The following TPM4 variants were observed in gnomAD, a reference collection of about 807,000 sequenced individuals.
TPM4 encodes tropomyosin 4.
Under a neutral mutation model 35.8 loss-of-function variants are expected in TPM4, and 17 were observed. That is an observed-to-expected ratio of 0.47 (90% CI 0.32 to 0.71). TPM4 has a LOEUF of 0.71. TPM4 is among the 30% of genes least tolerant of loss of function. The pLI is 0.03. For missense variants in TPM4, 240 were observed against 320.9 expected, an observed-to-expected ratio of 0.75 and a Z score of 1.93; for synonymous variants, 120 against 122.9, an observed-to-expected ratio of 0.98 and a Z score of 0.15.
chr19:16,083,305 G>A lies in TPM4; in HGVS notation c.266+1259G>A, dbSNP rs145847028. Among the ~76,000 whole-genome samples the A allele has an allele frequency of 6.2e-3, 944 of 152,196 alleles. 5 individuals are homozygous for A. The highest frequency in any genetic ancestry group is 0.022 in the African/African-American group (911 of 41,520). ...TTAAAAATACACAAATTAGCTGGGC[G>A]TGGTGGCGGGCACCTGTAATCCCAC... On this transcript the variant is annotated intron_variant, in intron 2 of 7. Transcript: ENST00000643579.
intron 7 of TPM4, chr19:16,100,052 TAA>T (rs2090747001): frequency 6.6e-6 from 1 of 152,208 alleles, no homozygotes; most frequent in East Asian, 1.9e-4. Flanking sequence ...AAATTTATAT[TAA>T]GTCACACATA....
intron 1 of TPM4, among the ~76,000 whole-genome samples, chr19:16,077,745 A>G (rs4808032): frequency 0.7 from 106,775 of 151,494 alleles, 38,345 homozygotes; most frequent in African/African-American, 0.87. Flanking sequence ...CTTTGTAAAT[A>G]ATCAATTGTG....
intron 5 of TPM4, among the ~76,000 whole-genome samples, chr19:16,091,555 G>A (rs1265928640): frequency 2.0e-5 from 3 of 152,064 alleles, no homozygotes; most frequent in Admixed American, 1.3e-4. Context: ...CGGGAGGATC[G>A]CTTGAGCTCA....
intron 2 of TPM4, among the ~76,000 whole-genome samples, chr19:16,083,650 G>GATCACACAAGGTGATTGCCT (rs200512002): frequency 6.6e-6 from 1 of 152,062 alleles, no homozygotes; most frequent in African/African-American, 2.4e-5. Flanking sequence ...TGGCAATGGT[G>GATCACACAAGGTGATTGCCT]TGGGCCCGAC....
rs201766546 is a variant in TPM4 at position 16,079,463 on chromosome 19, G to A, written c.133-2450G>A. 4.6e-5 allele frequency among the ~76,000 whole-genome samples: 7 copies of A among 152,326 alleles called. No individual in the cohort carries two copies. The East Asian group carries it at 1.4e-3, about 29-fold the overall frequency. On this transcript the variant is annotated intron_variant, in intron 1 of 7. Transcript: ENST00000643579. The stretch of plus-strand genomic sequence containing the variant: ...AATGAAAGGCACCCATTCATGGGAA[G>A]GCCTCAGTGACGTTTCTTAAGACAG...
chr19:16,082,404 A>C (rs917329724), intron 2 of TPM4, among the ~76,000 whole-genome samples: 9 of 152,212 alleles, frequency 5.9e-5, no homozygotes, highest in African/African-American at 2.2e-4. Context: ...CCAGCTACTC[A>C]GGAGGCTGAG....
At chr19:16,073,741 T>G (rs2090376198), upstream of TPM4, among the ~76,000 whole-genome samples, 1 of 151,896 alleles carries the variant, frequency 6.6e-6, no homozygotes, top group Non-Finnish European at 1.5e-5. Flanking sequence ...TGACATCAGC[T>G]GAACCTCCAG....
intron 1 of TPM4, 137 bp from the exon 2 acceptor site, chr19:16,081,776 T>C: frequency 8.3e-7 from 1 of 1,209,066 alleles, no homozygotes; most frequent in South Asian, 2.3e-5. Flanking sequence ...GGTATGAGTG[T>C]AAATTCCCTA....
intron 1 of TPM4, chr19:16,080,355 G>C (rs1212879162): frequency 4.8e-6 from 1 of 206,840 alleles, no homozygotes; most frequent in Non-Finnish European, 9.9e-6. Context: ...ATAAAACCGT[G>C]GCAGTAAGAG....
intron 7 of TPM4, chr19:16,100,048 A>C (rs980328996): frequency 6.6e-6 from 1 of 152,218 alleles, no homozygotes; most frequent in Non-Finnish European, 1.5e-5. Context: ...GTGGAAATTT[A>C]TATTAAGTCA....
chr19:16,095,717 T>A (rs894687581), intron 7 of TPM4: 1 of 455,084 alleles, frequency 2.2e-6, no homozygotes, highest in African/African-American at 2.1e-5. Flanking sequence ...CAGATACCGC[T>A]GTTAGCTAAC....
At chr19:16,091,905 A>AT (rs2090631549) in intron 5 of TPM4, among the ~76,000 whole-genome samples, 2 of 152,050 alleles carry the variant, frequency 1.3e-5, no homozygotes, top group South Asian at 4.1e-4. Context: ...TAAGCAGCTA[A>AT]TAAGTGTTAG....
At position 16,101,549 on chromosome 19, in the gene TPM4, G is replaced by A. The variant is rs1320153960; in HGVS notation, c.*203G>A. The A allele has an allele frequency of 6.7e-6, 3 of 444,908 alleles. No individual in the cohort carries two copies. The highest frequency in any genetic ancestry group is 8.2e-6 in the Non-Finnish European group (2 of 244,150). 27.6% of individuals were successfully genotyped at this position (444,908 alleles called of 1,614,324 possible). On this transcript the variant is annotated 3_prime_UTR_variant, in exon 8 of 8. Coordinates refer to ENST00000643579, the MANE Select transcript of TPM4 (RefSeq NM_003290.3). ...ATTCCTTCCCTTTTTTTTTCAAATGGCACCAGCTTTTTCAGCTCTCTTATT... is the reference window on the plus strand; with the variant it reads ...ATTCCTTCCCTTTTTTTTTCAAATGACACCAGCTTTTTCAGCTCTCTTATT...
chr19:16,068,550 G>T (rs1305868527), intron 2 of TPM4, among the ~76,000 whole-genome samples: 1 of 152,134 alleles, frequency 6.6e-6, no homozygotes, highest in Non-Finnish European at 1.5e-5. Flanking sequence ...GTATCTGCAT[G>T]TTTGAGCATT....
intron 2 of TPM4, among the ~76,000 whole-genome samples, chr19:16,068,118 T>C (rs550961627): frequency 4.0e-5 from 6 of 151,516 alleles, no homozygotes; most frequent in Non-Finnish European, 8.9e-5. Context: ...TGTGTGTACG[T>C]GTGTGTGTAC....
Position 16,076,679 on chromosome 19 carries a change from G to C in TPM4, c.114G>C (p.Glu38Asp). 7.3e-7 allele frequency: 1 copy of C among 1,368,046 alleles called. No homozygotes were observed. The highest frequency in any genetic ancestry group is 9.4e-7 in the Non-Finnish European group (1 of 1,061,922). The allele number at this position is 1,368,046 out of a possible 1,614,324, so 84.7% of individuals were successfully genotyped here. A position where few individuals can be genotyped will look rare whatever the true frequency, so the allele number is the denominator to read the frequency against. ...AQGLQRELDG[E>D]RERREKAEGD... ...GCCTGCAGCGGGAGCTGGACGGCGA[G>C]CGCGAGCGGCGCGAGAAAGTGAGCG... Residue 38 changes from glutamate to aspartate, a missense_variant, in exon 1 of 8, where the codon GAG becomes GAC. Transcript: ENST00000643579.
At position 16,078,310 on chromosome 19, in the gene TPM4, G is replaced by A. The variant is rs532179207; in HGVS notation, c.132+1613G>A. Reference sequence around the variant, plus strand: ...AAGAAAGTTGTATGATGAGGGTGGGGGGGTGTGCGGATAGAGGTTGAAGCC... The same window carrying A: ...AAGAAAGTTGTATGATGAGGGTGGGAGGGTGTGCGGATAGAGGTTGAAGCC... On this transcript the variant is annotated intron_variant, in intron 1 of 7. Coordinates refer to ENST00000643579, the MANE Select transcript of TPM4 (RefSeq NM_003290.3). 1.4e-3 allele frequency among the ~76,000 whole-genome samples: 218 copies of A among 152,270 alleles called. 1 individual carries two copies. In the Middle Eastern group the frequency reaches 0.017, roughly 12 times the overall value.
chr19:16,076,714 C>A lies in TPM4; in HGVS notation c.132+17C>A. On this transcript the variant is annotated intron_variant, in intron 1 of 7. Transcript: ENST00000643579. ...CGCGAGAAAGTGAGCGCCCCGGCCT[C>A]GGGCCCCGCACCCGCAGCCTCCTCC... 7.6e-7 allele frequency: 1 copy of A among 1,322,832 alleles called. No homozygotes were observed. The highest frequency in any genetic ancestry group is 9.6e-7 in the Non-Finnish European group (1 of 1,037,368). 81.9% of individuals were successfully genotyped at this position (1,322,832 alleles called of 1,614,324 possible). A position where few individuals can be genotyped will look rare whatever the true frequency, so the allele number is the denominator to read the frequency against.
intron 7 of TPM4, chr19:16,099,635 C>G (rs961319351): frequency 2.0e-5 from 3 of 151,968 alleles, no homozygotes; most frequent in Non-Finnish European, 4.4e-5. Flanking sequence ...TTTTTTCTTT[C>G]TGTAAATTTC....
Sources: gnomAD v4.1 joint callset for allele counts (sites outside exome capture counted in the v4.1 genomes callset) on GRCh38, gnomAD v4.1.1 for gene constraint, MANE v1.5 for transcripts, NCBI Gene and HGNC (gene_info 2026-07-23, HGNC 2026-07-21) for gene names.